C10orf67: variants seen among roughly 807,000 people sequenced by gnomAD.
C10orf67 encodes the protein uncharacterized protein C10orf67, mitochondrial.
In C10orf67, 60 loss-of-function variants were observed where a neutral mutation model predicts 35.6. The ratio of observed to expected loss-of-function variants is 1.68; its 90% CI spans 1.37 to 2.09. C10orf67 has a LOEUF of 2.09. Ranked by LOEUF, C10orf67 falls within the 30% of genes most tolerant of loss-of-function variation. C10orf67 has a pLI of 0.00. For missense variants in C10orf67, 474 were observed against 330.2 expected, an observed-to-expected ratio of 1.44 and a Z score of -3.38; for synonymous variants, 167 against 115.8, an observed-to-expected ratio of 1.44 and a Z score of -2.84.
intron 10 of C10orf67, among the ~76,000 whole-genome samples, chr10:23,259,196 T>C (rs1175508597): frequency 2.6e-5 from 4 of 152,200 alleles, no homozygotes; most frequent in Non-Finnish European, 5.9e-5. Context: ...TCTAATTTGG[T>C]TCACCAATAG....
chr10:23,209,483 G>A (rs1443704162), intron 15 of C10orf67, among the ~76,000 whole-genome samples: 1 of 152,082 alleles, frequency 6.6e-6, no homozygotes, highest in Non-Finnish European at 1.5e-5. Context: ...TAACTATTTA[G>A]CAATACTGTA....
intron 5 of C10orf67, 39 bp from the exon 6 acceptor site, chr10:23,291,318 C>A (rs990758787): frequency 2.9e-6 from 2 of 692,822 alleles, no homozygotes; most frequent in African/African-American, 3.6e-5. Context: ...AGCAGGGAGC[C>A]AAGGATTTAA....
rs547200450 is a variant in C10orf67 at position 23,293,600 on chromosome 10, T to C, written c.703-2321A>G. Among the ~76,000 whole-genome samples, 12 of 152,342 alleles carry C rather than the reference T, an allele frequency of 7.9e-5. No homozygotes were observed. In the South Asian group the frequency reaches 2.5e-3, roughly 32 times the overall value. ...ATCATTAAAGGCAGTTAACTGGATG[T>C]AGCCGTTTAAACCACACTATAAGAG... is the stretch of plus-strand genomic sequence containing the variant. On this transcript the variant is annotated intron_variant, in intron 5 of 15. Transcript: ENST00000636213.
chr10:23,307,504 A>G (rs1588676192), intron 4 of C10orf67, among the ~76,000 whole-genome samples: 1 of 152,322 alleles, frequency 6.6e-6, no homozygotes, highest in East Asian at 1.9e-4. Flanking sequence ...GAAAAAATGA[A>G]TGTACAGTAG....
At chr10:23,234,947 G>C (rs1842006201) in intron 13 of C10orf67, among the ~76,000 whole-genome samples, 1 of 148,460 alleles carries the variant, frequency 6.7e-6, no homozygotes, top group African/African-American at 2.5e-5. Flanking sequence ...GGGAGGCGGA[G>C]GTTGCGGTGA....
At chr10:23,213,647 C>T (rs566264395) in intron 15 of C10orf67, among the ~76,000 whole-genome samples, 5 of 152,100 alleles carry the variant, frequency 3.3e-5, no homozygotes, top group Admixed American at 3.3e-4. Context: ...AATGATACTT[C>T]TAAACATACA....
At chr10:23,220,712 G>A (rs1233746088) in intron 15 of C10orf67, among the ~76,000 whole-genome samples, 1 of 152,148 alleles carries the variant, frequency 6.6e-6, no homozygotes, top group Non-Finnish European at 1.5e-5. Flanking sequence ...TCTGTAAAAT[G>A]GGGGAAAGCA....
Position 23,204,300 on chromosome 10 carries a change from AT to A in C10orf67, c.1571-46del, listed in dbSNP as rs759733757. Reference sequence around the variant, plus strand: ...GACAGACATAAACTTTGTTTTACTTATCATACACAGACCACTTCCCACTCTT... The same window carrying A: ...GACAGACATAAACTTTGTTTTACTTACATACACAGACCACTTCCCACTCTT... On this transcript the variant is annotated intron_variant, in intron 15 of 15. Coordinates refer to ENST00000636213, the MANE Select transcript of C10orf67 (RefSeq NM_001371909.1). 54 of 547,488 alleles carry A rather than the reference AT, an allele frequency of 9.9e-5. 1 individual carries two copies. In the South Asian group the frequency reaches 1.4e-3, roughly 14 times the overall value. 33.9% of individuals were successfully genotyped at this position (547,488 alleles called of 1,614,324 possible).
intron 4 of C10orf67, among the ~76,000 whole-genome samples, chr10:23,310,237 A>G (rs1416708326): frequency 6.6e-6 from 1 of 152,218 alleles, no homozygotes; most frequent in East Asian, 1.9e-4. Context: ...AAGAAAGAAA[A>G]TGGGAAGAAA....
rs1223928201 is a variant in C10orf67 at position 23,203,769 on chromosome 10, G to A, written c.*404C>T. ...CCTTCATGGGGACTAGTTATTGGGT[G>A]AGGAGACAGCAAAACAGGTTGATGC... On this transcript the variant is annotated 3_prime_UTR_variant, in exon 16 of 16. Coordinates refer to ENST00000636213, the MANE Select transcript of C10orf67 (RefSeq NM_001371909.1). 1 of 155,572 alleles carries A rather than the reference G, an allele frequency of 6.4e-6. No individual in the cohort carries two copies. Among genetic ancestry groups the A allele is most frequent in the Non-Finnish European group, 1.4e-5 (1 of 70,316 alleles). The allele number at this position is 155,572 out of a possible 1,614,324, so 9.6% of individuals were successfully genotyped here.
chr10:23,291,332 T>C, intron 5 of C10orf67, 53 bp from the exon 6 acceptor site: 1 of 684,832 alleles, frequency 1.5e-6, no homozygotes, highest in East Asian at 2.7e-5. Context: ...GATTTAAATA[T>C]GCAAGACAAG....
At chr10:23,301,038 T>G (rs1844054629) in intron 5 of C10orf67, among the ~76,000 whole-genome samples, 1 of 152,212 alleles carries the variant, frequency 6.6e-6, no homozygotes. Flanking sequence ...TAGGTCTATT[T>G]TAATTTGCTT....
intron 8 of C10orf67, among the ~76,000 whole-genome samples, chr10:23,269,964 T>C (rs1298402883): frequency 6.6e-6 from 1 of 152,030 alleles, no homozygotes; most frequent in Non-Finnish European, 1.5e-5. Flanking sequence ...TAAATACATA[T>C]AGATGCCCTG....
chr10:23,278,453 C>G (rs1224116216), intron 8 of C10orf67, among the ~76,000 whole-genome samples: 2 of 152,192 alleles, frequency 1.3e-5, no homozygotes, highest in Non-Finnish European at 2.9e-5. Flanking sequence ...TCCCTTCCAT[C>G]ATTTACTCAT....
rs1439393791 is a variant in C10orf67 at position 23,229,973 on chromosome 10, T to C, written c.1435-6155A>G. Among the ~76,000 whole-genome samples the C allele has an allele frequency of 3.9e-5, 6 of 152,284 alleles. No individual in the cohort carries two copies. The South Asian group carries it at 6.2e-4, about 16-fold the overall frequency. ...TTTGTTTTGTTTTGTTTCTTTTGTT[T>C]TGTTTTTTTCTGTGAATATTGACAA... On this transcript the variant is annotated intron_variant, in intron 13 of 15. Coordinates refer to ENST00000636213, the MANE Select transcript of C10orf67 (RefSeq NM_001371909.1).
intron 13 of C10orf67, among the ~76,000 whole-genome samples, chr10:23,225,038 G>A (rs1453527456): frequency 1.3e-5 from 2 of 152,052 alleles, no homozygotes; most frequent in African/African-American, 2.4e-5. Context: ...GATACTCCTC[G>A]AGAAGAGCAA....
chr10:23,227,318 C>G (rs1355195867), intron 13 of C10orf67, among the ~76,000 whole-genome samples: 2 of 152,242 alleles, frequency 1.3e-5, no homozygotes, highest in Middle Eastern at 3.4e-3. Flanking sequence ...AGCATATAAA[C>G]AGAACCAAAG....
At chr10:23,221,636 G>C (rs1309570910) in intron 15 of C10orf67, among the ~76,000 whole-genome samples, 1 of 152,142 alleles carries the variant, frequency 6.6e-6, no homozygotes, top group Non-Finnish European at 1.5e-5. Flanking sequence ...TATTGCCACT[G>C]TGCAAAGCTA....
chr10:23,331,049 G>C lies in C10orf67; in HGVS notation c.327+2013C>G, dbSNP rs563436825. On this transcript the variant is annotated intron_variant, in intron 2 of 15. Coordinates refer to ENST00000636213, the MANE Select transcript of C10orf67 (RefSeq NM_001371909.1). Reference sequence around the variant, plus strand: ...GAGGGGAGGGAAACCGGGAAAAGAGGGGAGGGGAGAGAAACAGGGAAGGGA... The same window carrying C: ...GAGGGGAGGGAAACCGGGAAAAGAGCGGAGGGGAGAGAAACAGGGAAGGGA... Among the ~76,000 whole-genome samples, 3 of 132,802 alleles carry C rather than the reference G, an allele frequency of 2.3e-5. No individual in the cohort carries two copies. The East Asian group carries it at 7.2e-4, about 32-fold the overall frequency. The allele number at this position is 132,802 out of a possible 152,430, so 87.1% of individuals were successfully genotyped here.
Sources: allele counts gnomAD v4.1 joint callset (sites outside exome capture counted in the v4.1 genomes callset), GRCh38; gene constraint gnomAD v4.1.1; transcripts MANE v1.5; gene names NCBI Gene and HGNC (gene_info 2026-07-23, HGNC 2026-07-21).